VWA8: variants seen among roughly 807,000 people sequenced by gnomAD.
VWA8 encodes von Willebrand factor A domain-containing protein 8.
A neutral mutation model predicts 241.5 loss-of-function variants in VWA8; 221 were observed. That is an observed-to-expected ratio of 0.91 (90% CI 0.82 to 1.02). The LOEUF (loss-of-function observed/expected upper bound fraction) is 1.02, where lower values mean the gene tolerates loss of function less well. VWA8 is among the 50% of genes least tolerant of loss of function. The pLI is 0.00. For synonymous variants in VWA8, 852 were observed against 827.1 expected (o/e 1.03, Z -0.52); for missense variants, 2,322 against 2,328.7 (o/e 1.00, Z 0.06).
At chr13:41,702,155 T>G (rs1351663310) in intron 27 of VWA8, among the ~76,000 whole-genome samples, 2 of 152,324 alleles carry the variant, frequency 1.3e-5, no homozygotes, top group Admixed American at 6.5e-5. Context: ...TTCTGGGTAC[T>G]TAGATATGAC....
intron 36 of VWA8, among the ~76,000 whole-genome samples, chr13:41,672,106 T>C (rs1227695751): frequency 6.6e-6 from 1 of 152,116 alleles, no homozygotes; most frequent in African/African-American, 2.4e-5. Flanking sequence ...AATGAGTGAG[T>C]ACTGGACTCA....
intron 12 of VWA8, among the ~76,000 whole-genome samples, chr13:41,845,275 CCT>C (rs1307777810): frequency 6.6e-6 from 1 of 151,992 alleles, no homozygotes; most frequent in Non-Finnish European, 1.5e-5. Flanking sequence ...ATGCCTATTA[CCT>C]CTCACATCAG....
chr13:41,582,326 G>A (rs548538080), intron 42 of VWA8, among the ~76,000 whole-genome samples: 22 of 152,254 alleles, frequency 1.4e-4, no homozygotes, highest in African/African-American at 3.9e-4. Context: ...AATGACCCAC[G>A]GCTCAGGAGC....
At chr13:41,845,506 A>C (rs1872251089) in intron 12 of VWA8, among the ~76,000 whole-genome samples, 1 of 152,056 alleles carries the variant, frequency 6.6e-6, no homozygotes, top group African/African-American at 2.4e-5. Flanking sequence ...CCAAAAAGAC[A>C]CATGCACATG....
At position 41,961,050 on chromosome 13, in the gene VWA8, C is replaced by T. The variant is rs1878597046; in HGVS notation, c.-35G>A. On this transcript the variant is annotated 5_prime_UTR_variant, in exon 1 of 45. Transcript: ENST00000379310. Reference sequence around the variant, plus strand: ...GGGGCTGTCGGGGACGGCGAGGGGGCTCGGGGATCGAGCGGCGTCCCGTGC... The same window carrying T: ...GGGGCTGTCGGGGACGGCGAGGGGGTTCGGGGATCGAGCGGCGTCCCGTGC... The T allele has an allele frequency of 7.4e-7, 1 of 1,355,278 alleles. No homozygotes were observed. Among genetic ancestry groups the T allele is most frequent in the Non-Finnish European group, 9.4e-7 (1 of 1,060,164 alleles). 84.0% of individuals were successfully genotyped at this position (1,355,278 alleles called of 1,614,324 possible).
In VWA8 at chr13:41,570,465, T is replaced by TA. The variant is rs1217001756; in HGVS notation, c.5609+2dup. On this transcript the variant is annotated splice_region_variant and intron_variant, in intron 44 of 44. Coordinates refer to ENST00000379310, the MANE Select transcript of VWA8 (RefSeq NM_015058.2). The stretch of plus-strand genomic sequence containing the variant: ...CTTTTCTGTATGCTCAGATGACACT[T>TA]ACCTGGTTGCTTGATCACCTAAAGA... The TA allele has an allele frequency of 6.2e-7, 1 of 1,613,132 alleles. No homozygotes were observed. Among genetic ancestry groups the TA allele is most frequent in the African/African-American group, 1.3e-5 (1 of 75,026 alleles).
chr13:41,691,346 C>T lies in VWA8; in HGVS notation c.3840G>A (p.Trp1280Ter), dbSNP rs773176394. The part of the protein sequence containing the change: ...KTVFLVAEDK[W>*]LLVESKTNQK... ...GATTTGTTTTGCTCTCCACCAGAAG[C>T]CATTTGTCCTCTGCTACAAGGAAAA... is the stretch of plus-strand genomic sequence containing the variant. Residue 1280 changes from tryptophan to a stop codon, truncating the protein, a stop_gained, in exon 32 of 45, where the codon TGG becomes TGA. Transcript: ENST00000379310. LOFTEE classifies it high-confidence loss of function. The T allele has an allele frequency of 1.2e-6, 2 of 1,612,422 alleles. No individual in the cohort carries two copies. Among genetic ancestry groups the T allele is most frequent in the South Asian group, 2.2e-5 (2 of 91,032 alleles).
chr13:41,607,793 T>C (rs1239466788), intron 39 of VWA8, among the ~76,000 whole-genome samples: 6 of 152,146 alleles, frequency 3.9e-5, no homozygotes, highest in Non-Finnish European at 8.8e-5. Context: ...TAATCCTGAG[T>C]TGTATTTTTA....
chr13:41,572,924 A>C (rs567606297), intron 43 of VWA8, among the ~76,000 whole-genome samples: 7,213 of 150,678 alleles, frequency 0.048, 270 homozygotes, highest in African/African-American at 0.1. Context: ...CCTGGCCGGC[A>C]TGGTGGAACC....
chr13:41,587,667 C>T lies in VWA8; in HGVS notation c.5116G>A (p.Gly1706Ser). Residue 1706 changes from glycine (G) to serine (S), a missense_variant, in exon 42 of 45, where the codon GGC (glycine) becomes AGC (serine). Transcript: ENST00000379310. ...KRRGELEPQL[G>S]SPQQKPKRLR... The stretch of plus-strand genomic sequence containing the variant: ...CGCTTGGGTTTCTGTTGTGGGCTGC[C>T]AAGCTGAGGGAAGGAATAACAGAAA... The T allele has an allele frequency of 2.5e-6, 4 of 1,614,054 alleles. No individual in the cohort carries two copies. Among genetic ancestry groups the T allele is most frequent in the Non-Finnish European group, 3.4e-6 (4 of 1,179,978 alleles).
chr13:41,643,126 A>C (rs1048764452), intron 37 of VWA8, among the ~76,000 whole-genome samples: 1 of 152,172 alleles, frequency 6.6e-6, no homozygotes, highest in African/African-American at 2.4e-5. Flanking sequence ...GCTCAGCCTC[A>C]AGTTAATTCT....
At chr13:41,676,329 A>G (rs1269447473) in intron 35 of VWA8, among the ~76,000 whole-genome samples, 1 of 152,112 alleles carries the variant, frequency 6.6e-6, no homozygotes. Context: ...GGTGGTGAAG[A>G]CCTGCCCTCA....
intron 20 of VWA8, among the ~76,000 whole-genome samples, chr13:41,773,406 G>A (rs768057171): frequency 1.7e-4 from 26 of 152,158 alleles, no homozygotes; most frequent in Non-Finnish European, 2.8e-4. Context: ...AACTACTGAA[G>A]AAGGACCTGA....
chr13:41,581,124 C>T (rs1446106690), intron 42 of VWA8, among the ~76,000 whole-genome samples: 1 of 127,968 alleles, frequency 7.8e-6, no homozygotes, highest in Non-Finnish European at 1.5e-5. Context: ...CCTCAGCCTC[C>T]GGAGTAGCTG....
intron 22 of VWA8, among the ~76,000 whole-genome samples, chr13:41,730,580 G>A (rs1318880911): frequency 6.6e-6 from 1 of 151,938 alleles, no homozygotes; most frequent in Non-Finnish European, 1.5e-5. Flanking sequence ...GGTGGGAAGA[G>A]GAAAAAGGAA....
At chr13:41,810,957 G>A (rs1345732086) in intron 17 of VWA8, among the ~76,000 whole-genome samples, 1 of 151,846 alleles carries the variant, frequency 6.6e-6, no homozygotes, top group East Asian at 1.9e-4. Flanking sequence ...ATAAATAAAA[G>A]AGGTTTTATT....
intron 2 of VWA8, among the ~76,000 whole-genome samples, chr13:41,933,161 T>C (rs1261613093): frequency 2.6e-5 from 4 of 151,964 alleles, no homozygotes; most frequent in Middle Eastern, 6.3e-3. Flanking sequence ...AAGATTAGTA[T>C]ACAAAAATCA....
rs371915177 is a variant in VWA8 at position 41,707,789 on chromosome 13, T to C, written c.3117-4378A>G. Among the ~76,000 whole-genome samples, 4 of 152,186 alleles carry C rather than the reference T, an allele frequency of 2.6e-5. 1 individual carries two copies. The South Asian group carries it at 8.3e-4, about 32-fold the overall frequency. ...GGCCATTACCTCTGCCTAGAATTCCTTTCTGCTCTGGCCTCCTTGGTGAAA... is the reference window on the plus strand; with the variant it reads ...GGCCATTACCTCTGCCTAGAATTCCCTTCTGCTCTGGCCTCCTTGGTGAAA... On this transcript the variant is annotated intron_variant, in intron 26 of 44. Transcript: ENST00000379310.
intron 4 of VWA8, chr13:41,905,011 G>A (rs1449130466): frequency 6.6e-6 from 1 of 152,026 alleles, no homozygotes. Flanking sequence ...TTTTTATAAT[G>A]TGGATATTAT....
Sources: allele counts gnomAD v4.1 joint callset (sites outside exome capture counted in the v4.1 genomes callset), GRCh38; gene constraint gnomAD v4.1.1; transcripts MANE v1.5; gene names NCBI Gene and HGNC (gene_info 2026-07-23, HGNC 2026-07-21).